The following KANK1 variants were observed in gnomAD, a reference collection of about 807,000 sequenced individuals.
KANK1 encodes the protein KN motif and ankyrin repeat domains 1, also known as KN motif and ankyrin repeat domain-containing protein 1.
A neutral mutation model predicts 106.2 loss-of-function variants in KANK1; 109 were observed. That is an observed-to-expected ratio of 1.03 (90% CI 0.88 to 1.20). The LOEUF (loss-of-function observed/expected upper bound fraction) is 1.20, where lower values mean the gene tolerates loss of function less well. Among genes scored for constraint, KANK1 ranks in the 50% most tolerant of loss-of-function variants. The probability of loss-of-function intolerance (pLI) is 0.00; values close to 1 mark genes in which losing one functional copy is unlikely to be tolerated. For synonymous variants in KANK1, 873 were observed against 652.2 expected (o/e 1.34, Z -5.16); for missense variants, 2,399 against 1,710.7 (o/e 1.40, Z -7.10).
intron 3 of KANK1, among the ~76,000 whole-genome samples, chr9:714,889 C>G (rs559030372): frequency 1.3e-5 from 2 of 152,266 alleles, no homozygotes; most frequent in Non-Finnish European, 2.9e-5. Flanking sequence ...TGCCTGGCTT[C>G]CGTTTCTGGC....
At chr9:738,983 C>CT (rs945318894) in intron 8 of KANK1, among the ~76,000 whole-genome samples, 15 of 152,174 alleles carry the variant, frequency 9.9e-5, no homozygotes, top group African/African-American at 3.6e-4. Context: ...GCAAAGCCAC[C>CT]TTAACAGATG....
chr9:608,028 A>ATTTT lies in KANK1; in HGVS notation c.-83-68860_-83-68859insTTTT, dbSNP rs1326986665. 9.9e-3 allele frequency among the ~76,000 whole-genome samples: 833 copies of ATTTT among 84,098 alleles called. 28 individuals are homozygous for ATTTT. Among genetic ancestry groups the ATTTT allele is most frequent in the African/African-American group, 0.035 (743 of 21,264 alleles). 55.2% of individuals were successfully genotyped at this position (84,098 alleles called of 152,430 possible). ...AACTTTCAGAATTATTATTATTATT[A>ATTTT]TTATTATTTTTTTTTTTTTTGAGAC... On this transcript the variant is annotated intron_variant, in intron 1 of 11. Transcript: ENST00000382297.
intron 1 of KANK1, among the ~76,000 whole-genome samples, chr9:530,318 A>G (rs921731701): frequency 6.6e-5 from 10 of 152,198 alleles, no homozygotes; most frequent in African/African-American, 2.4e-4. Flanking sequence ...ATTATTTTTA[A>G]AATGTCCAGG....
intron 9 of KANK1, among the ~76,000 whole-genome samples, chr9:741,783 G>A (rs1278914980): frequency 6.6e-6 from 1 of 151,924 alleles, no homozygotes; most frequent in African/African-American, 2.4e-5. Context: ...TACTGCGCCA[G>A]CCCCTGGCTT....
intron 1 of KANK1, among the ~76,000 whole-genome samples, chr9:668,368 C>T (rs1195687244): frequency 6.9e-6 from 1 of 145,398 alleles, no homozygotes; most frequent in Non-Finnish European, 1.5e-5. Context: ...CTCTTTGTAT[C>T]TATTAATGTT....
chr9:675,063 A>G (rs1816116383), intron 1 of KANK1, among the ~76,000 whole-genome samples: 2 of 152,202 alleles, frequency 1.3e-5, no homozygotes, highest in Admixed American at 1.3e-4. Flanking sequence ...GCTAAAATCC[A>G]TGATTTCATC....
rs147088311 is a variant in KANK1, at chr9:711,423, T to A, written c.657T>A (p.Asn219Lys). 6.2e-7 allele frequency: 1 copy of A among 1,613,994 alleles called. No individual in the cohort carries two copies. Among genetic ancestry groups the A allele is most frequent in the Non-Finnish European group, 8.5e-7 (1 of 1,180,024 alleles). ...KHQLQNGYQG[N>K]GDYGSYAPAA... ...AGCTTCAGAATGGATACCAAGGTAA[T>A]GGGGATTATGGTAGCTATGCCCCAG... The change falls in exon 3 of 12, where the codon AAT (asparagine) becomes AAA (lysine). Residue 219 changes from asparagine (N) to lysine (K), a missense_variant. Physicochemically the swap from Asn to Lys is moderately conservative, Grantham distance 94. Transcript: ENST00000382297.
chr9:635,015 G>A lies in KANK1; in HGVS notation c.-83-41875G>A, dbSNP rs367988158. Among the ~76,000 whole-genome samples, 11 of 152,268 alleles carry A rather than the reference G, an allele frequency of 7.2e-5. No individual in the cohort carries two copies. In the South Asian group the frequency reaches 1.0e-3, roughly 14 times the overall value. ...AGGAAACATTTCCAGACGCACCCTA[G>A]AGAACATCTTACATTTCACTGACCA... On this transcript the variant is annotated intron_variant, in intron 1 of 11. Coordinates refer to ENST00000382297, the MANE Select transcript of KANK1 (RefSeq NM_015158.5).
rs949427186 is a variant in KANK1 at position 619,276 on chromosome 9, A to G, written c.-83-57614A>G. 1.4e-4 allele frequency among the ~76,000 whole-genome samples: 22 copies of G among 152,200 alleles called. 1 individual carries two copies. Among genetic ancestry groups the G allele is most frequent in the Non-Finnish European group, 2.2e-4 (15 of 68,036 alleles). On this transcript the variant is annotated intron_variant, in intron 1 of 11. Transcript: ENST00000382297. ...GTATAAATGTTATATTTCAAGCCACACAGTACTTAAAACCATCACACTGTT... is the reference window on the plus strand; with the variant it reads ...GTATAAATGTTATATTTCAAGCCACGCAGTACTTAAAACCATCACACTGTT...
intron 1 of KANK1, among the ~76,000 whole-genome samples, chr9:652,956 C>T (rs1361592510): frequency 6.6e-6 from 1 of 152,176 alleles, no homozygotes; most frequent in Non-Finnish European, 1.5e-5. Flanking sequence ...AGCATCTGTT[C>T]CGGCGTTGGC....
chr9:580,059 G>T (rs1292974044), intron 1 of KANK1, among the ~76,000 whole-genome samples: 1 of 152,156 alleles, frequency 6.6e-6, no homozygotes, highest in Non-Finnish European at 1.5e-5. Flanking sequence ...AAGATGGTGT[G>T]TCCGAAGTTT....
chr9:532,149 C>A (rs2060085192), intron 1 of KANK1, among the ~76,000 whole-genome samples: 1 of 152,052 alleles, frequency 6.6e-6, no homozygotes, highest in Admixed American at 6.6e-5. Flanking sequence ...GACTTGGGCC[C>A]CACTTAGGCA....
chr9:616,584 C>A (rs1588283165), intron 1 of KANK1, among the ~76,000 whole-genome samples: 1 of 152,218 alleles, frequency 6.6e-6, no homozygotes, highest in Non-Finnish European at 1.5e-5. Context: ...CTCTATCCTT[C>A]CATCCAGGCT....
chr9:478,585 C>T (rs2058147298), intron 3 of KANK1, among the ~76,000 whole-genome samples: 1 of 152,164 alleles, frequency 6.6e-6, no homozygotes, highest in African/African-American at 2.4e-5. Context: ...AAATCTAAAG[C>T]CCACTTTCTC....
chr9:652,925 AAC>A (rs1388775018), intron 1 of KANK1, among the ~76,000 whole-genome samples: 3 of 152,170 alleles, frequency 2.0e-5, no homozygotes, highest in Admixed American at 6.5e-5. Context: ...GTTAGAGGAG[AAC>A]ACAGAGCCCA....
At chr9:564,310 C>T (rs1817275805) in intron 1 of KANK1, among the ~76,000 whole-genome samples, 1 of 152,098 alleles carries the variant, frequency 6.6e-6, no homozygotes, top group Non-Finnish European at 1.5e-5. Flanking sequence ...ACTCCGCCCG[C>T]CTCAGCCTCC....
In KANK1 at chr9:580,299, C is replaced by G. The variant is rs541029523; in HGVS notation, c.-84+75545C>G. On this transcript the variant is annotated intron_variant, in intron 1 of 11. Coordinates refer to ENST00000382297, the MANE Select transcript of KANK1 (RefSeq NM_015158.5). Reference sequence around the variant, plus strand: ...TGCAGACCTTCCTGGTGTTACAGCTCATAAAGGCAGCGCGGACCCGAAGAG... The same window carrying G: ...TGCAGACCTTCCTGGTGTTACAGCTGATAAAGGCAGCGCGGACCCGAAGAG... Among the ~76,000 whole-genome samples, 11 of 152,220 alleles carry G rather than the reference C, an allele frequency of 7.2e-5. No homozygotes were observed. The South Asian group carries it at 2.1e-3, about 29-fold the overall frequency.
At chr9:683,923 G>T (rs1818051182) in intron 2 of KANK1, among the ~76,000 whole-genome samples, 1 of 152,146 alleles carries the variant, frequency 6.6e-6, no homozygotes, top group Non-Finnish European at 1.5e-5. Flanking sequence ...TTTTCTTATA[G>T]TGGTGGTGTT....
intron 6 of KANK1, 187 bp from the exon 7 acceptor site, chr9:734,561 G>C: frequency 2.1e-6 from 1 of 474,212 alleles, no homozygotes; most frequent in Non-Finnish European, 3.9e-6. Flanking sequence ...AGCTACTAGG[G>C]AGGCTGAGGC....
Sources: allele counts gnomAD v4.1 joint callset (sites outside exome capture counted in the v4.1 genomes callset), GRCh38; gene constraint gnomAD v4.1.1; transcripts MANE v1.5; gene names NCBI Gene and HGNC (gene_info 2026-07-23, HGNC 2026-07-21).